TSPO: variants seen among roughly 807,000 people sequenced by gnomAD.
TSPO encodes translocator protein, also known as benzodiazepine peripheral binding site.
In TSPO, 14 loss-of-function variants were observed where a neutral mutation model predicts 13.9. The observed-to-expected ratio is 1.01, with a 90% CI of 0.67 to 1.58. TSPO has a LOEUF of 1.58. Ranked by LOEUF, TSPO falls within the 40% of genes most tolerant of loss-of-function variation. The pLI is 0.00. For synonymous variants in TSPO, 114 were observed against 105.9 expected, an observed-to-expected ratio of 1.08 and a Z score of -0.47; for missense variants, 232 against 229.6, an observed-to-expected ratio of 1.01 and a Z score of -0.07.
intron 1 of TSPO, chr22:43,152,188 T>G (rs1931094321): frequency 6.6e-6 from 1 of 152,248 alleles, no homozygotes; most frequent in African/African-American, 2.4e-5. Context: ...CCTGTCTGCT[T>G]CCCCTACCCC....
At chr22:43,158,137 C>T (rs923290095) in intron 1 of TSPO, among the ~76,000 whole-genome samples, 3 of 152,182 alleles carry the variant, frequency 2.0e-5, no homozygotes, top group Non-Finnish European at 4.4e-5. Context: ...ACAGTCTCTG[C>T]TGACACCCCT....
chr22:43,156,563 C>T (rs1178117765), intron 1 of TSPO, among the ~76,000 whole-genome samples: 1 of 152,102 alleles, frequency 6.6e-6, no homozygotes, highest in Non-Finnish European at 1.5e-5. Flanking sequence ...AGGGGAACCA[C>T]TGCTGATGGA....
intron 1 of TSPO, among the ~76,000 whole-genome samples, chr22:43,152,761 GAA>G (rs1931112895): frequency 6.6e-6 from 1 of 152,242 alleles, no homozygotes; most frequent in Non-Finnish European, 1.5e-5. Flanking sequence ...GCCAGGGCCA[GAA>G]CCCGTGCAGG....
chr22:43,161,117 G>C lies in TSPO; in HGVS notation c.248G>C (p.Gly83Ala). ...GFTEKAVVPLGLYTGQLALNW... is the reference protein window; with the variant it reads ...GFTEKAVVPLALYTGQLALNW... ...ACAGAGAAGGCTGTGGTTCCCCTGGGCCTCTACACTGGGCAGCTGGCCCTG... is the reference window on the plus strand; with the variant it reads ...ACAGAGAAGGCTGTGGTTCCCCTGGCCCTCTACACTGGGCAGCTGGCCCTG... The change falls in exon 3 of 4, where the codon GGC (glycine) becomes GCC (alanine). Residue 83 changes from glycine to alanine, a missense_variant. Transcript: ENST00000337554. The C allele has an allele frequency of 6.2e-7, 1 of 1,614,170 alleles. No individual in the cohort carries two copies. The highest frequency in any genetic ancestry group is 1.1e-5 in the South Asian group (1 of 91,084).
intron 1 of TSPO, 115 bp from the exon 2 acceptor site, chr22:43,159,095 G>C: frequency 1.2e-6 from 1 of 829,958 alleles, no homozygotes; most frequent in Non-Finnish European, 1.8e-6. Context: ...TGCGCCTCCT[G>C]ATCAGCTGAC....
intron 3 of TSPO, 21 bp downstream of exon 3, chr22:43,161,211 T>A: frequency 6.2e-7 from 1 of 1,606,096 alleles, no homozygotes; most frequent in Non-Finnish European, 8.5e-7. Context: ...CCACAGCATG[T>A]GTCCCTGATC....
At chr22:43,154,195 ATTT>A (rs1425357431) in intron 1 of TSPO, among the ~76,000 whole-genome samples, 2 of 152,070 alleles carry the variant, frequency 1.3e-5, no homozygotes, top group Non-Finnish European at 2.9e-5. Flanking sequence ...GCCATGAATC[ATTT>A]TTAAAAAGCC....
intron 1 of TSPO, among the ~76,000 whole-genome samples, chr22:43,158,445 C>T (rs1448269072): frequency 6.6e-6 from 1 of 152,146 alleles, no homozygotes; most frequent in African/African-American, 2.4e-5. Flanking sequence ...GATTCTCCAC[C>T]TAGAATCAGA....
At chr22:43,161,883 G>T (rs1210884514) in intron 3 of TSPO, among the ~76,000 whole-genome samples, 1 of 151,910 alleles carries the variant, frequency 6.6e-6, no homozygotes, top group Non-Finnish European at 1.5e-5. Context: ...GACTTCCTGG[G>T]CTCAAACGAT....
At chr22:43,153,109 CTCTT>C (rs138177673) in intron 1 of TSPO, among the ~76,000 whole-genome samples, 1 of 131,286 alleles carries the variant, frequency 7.6e-6, no homozygotes, top group Non-Finnish European at 1.6e-5. Context: ...TCTTTCCTTT[CTCTT>C]TCTCTTTTTT....
chr22:43,161,349 C>T lies in TSPO; in HGVS notation c.321+159C>T, dbSNP rs544128172. Among the ~76,000 whole-genome samples the T allele has an allele frequency of 2.4e-4, 37 of 152,322 alleles. No individual in the cohort carries two copies. In the South Asian group the frequency reaches 5.6e-3, roughly 23 times the overall value. On this transcript the variant is annotated intron_variant, in intron 3 of 3. Coordinates refer to ENST00000337554, the MANE Select transcript of TSPO (RefSeq NM_000714.6). ...AAGCAGCCCACACCCTGGAGCCTCC[C>T]CTCTACTGACTCCTCCGGTGAGGGA...
chr22:43,158,561 GCTCT>G (rs1931328441), intron 1 of TSPO, among the ~76,000 whole-genome samples: 1 of 152,178 alleles, frequency 6.6e-6, no homozygotes, highest in Non-Finnish European at 1.5e-5. Flanking sequence ...CAGGCAGGCT[GCTCT>G]CTGTCTCCGG....
intron 2 of TSPO, among the ~76,000 whole-genome samples, chr22:43,160,031 C>T (rs1041855431): frequency 1.3e-5 from 2 of 152,174 alleles, no homozygotes; most frequent in East Asian, 1.9e-4. Flanking sequence ...TCCCTGCATC[C>T]TGGTTCTGTG....
At chr22:43,153,370 A>G (rs1347843450) in intron 1 of TSPO, among the ~76,000 whole-genome samples, 3 of 18,924 alleles carry the variant, frequency 1.6e-4, no homozygotes, top group African/African-American at 4.1e-4. Flanking sequence ...TTTGAGACGG[A>G]GTCTCGCTCT....
intron 1 of TSPO, 75 bp from the exon 2 acceptor site, chr22:43,159,135 G>T: frequency 2.5e-6 from 3 of 1,210,986 alleles, no homozygotes; most frequent in South Asian, 3.5e-5. Context: ...AGGCCTTTCG[G>T]GGATGCTGGA....
chr22:43,155,238 G>A (rs1056210536), intron 1 of TSPO, among the ~76,000 whole-genome samples: 17 of 152,186 alleles, frequency 1.1e-4, no homozygotes, highest in African/African-American at 3.6e-4. Context: ...CGAGTGGGCC[G>A]TGTGGCTCAG....
intron 3 of TSPO, among the ~76,000 whole-genome samples, chr22:43,161,828 C>CT (rs1346603457): frequency 6.6e-6 from 1 of 151,998 alleles, no homozygotes; most frequent in Non-Finnish European, 1.5e-5. Context: ...AAGTTTTAAA[C>CT]TTTTTTAAGA....
intron 2 of TSPO, 98 bp downstream of exon 2, chr22:43,159,518 T>C: frequency 3.2e-6 from 4 of 1,243,920 alleles, no homozygotes; most frequent in Non-Finnish European, 4.2e-6. Flanking sequence ...CCATGGACCA[T>C]GGCATGGTTT....
At chr22:43,159,154 G>A (rs568868318) in intron 1 of TSPO, 56 bp from the exon 2 acceptor site, 371 of 1,326,060 alleles carry the variant, frequency 2.8e-4, no homozygotes, top group Non-Finnish European at 3.5e-4. Context: ...GAGGAGACAC[G>A]GGCCTGACCC....
Sources: gnomAD v4.1 joint callset for allele counts (sites outside exome capture counted in the v4.1 genomes callset) on GRCh38, gnomAD v4.1.1 for gene constraint, MANE v1.5 for transcripts, NCBI Gene and HGNC (gene_info 2026-07-23, HGNC 2026-07-21) for gene names.